UBXN8: variants seen among roughly 807,000 people sequenced by gnomAD.
UBXN8 encodes UBX domain-containing protein 8.
In UBXN8, 27 loss-of-function variants were observed where a neutral mutation model predicts 32.1. The ratio of observed to expected loss-of-function variants is 0.84; its 90% CI spans 0.62 to 1.16. UBXN8 has a LOEUF of 1.16. UBXN8 is among the 50% of genes most tolerant of loss of function. UBXN8 has a pLI of 0.00. For synonymous variants in UBXN8, 109 were observed against 111.8 expected (o/e 0.98, Z 0.16); for missense variants, 306 against 311.4 (o/e 0.98, Z 0.13).
At chr8:30,753,644 G>A (rs912468768) in intron 3 of UBXN8, among the ~76,000 whole-genome samples, 1 of 151,858 alleles carries the variant, frequency 6.6e-6, no homozygotes, top group Admixed American at 6.6e-5. Context: ...AAAGAAAACC[G>A]TATACTCTTT....
intron 1 of UBXN8, among the ~76,000 whole-genome samples, chr8:30,751,152 T>C (rs1406029378): frequency 1.3e-5 from 2 of 152,218 alleles, no homozygotes; most frequent in Admixed American, 6.5e-5. Flanking sequence ...GACAGTTGTA[T>C]AACTTCTACT....
chr8:30,744,135 GA>G (rs1805287473), upstream of UBXN8: 3 of 1,566,810 alleles, frequency 1.9e-6, no homozygotes, highest in South Asian at 2.3e-5. Context: ...TTCCTTCCCG[GA>G]AAACGCGGCC....
intron 1 of UBXN8, among the ~76,000 whole-genome samples, chr8:30,734,547 G>C (rs1563554052): frequency 6.6e-6 from 1 of 151,920 alleles, no homozygotes; most frequent in East Asian, 1.9e-4. Context: ...TTGAGCCCAG[G>C]AATTCAAGGT....
chr8:30,751,355 A>G (rs910065966), intron 1 of UBXN8, 41 bp from the exon 2 acceptor site: 2 of 1,527,374 alleles, frequency 1.3e-6, no homozygotes, highest in Non-Finnish European at 1.8e-6. Flanking sequence ...CTCTTAAAAA[A>G]AAAGTTTTGA....
upstream of UBXN8, among the ~76,000 whole-genome samples, chr8:30,731,071 T>C (rs1392581548): frequency 6.6e-6 from 1 of 152,250 alleles, no homozygotes; most frequent in Non-Finnish European, 1.5e-5. Context: ...GCTTGCAGCG[T>C]AATCAGTGTG....
intron 1 of UBXN8, among the ~76,000 whole-genome samples, chr8:30,736,972 G>A (rs1586085033): frequency 6.6e-6 from 1 of 151,986 alleles, no homozygotes. Flanking sequence ...TAAATGTGGT[G>A]TTTATCATTT....
Position 30,754,531 on chromosome 8 carries a change from G to A in UBXN8, c.283-134G>A. ...GCACGAGCCTCCCCACAACCAAGCAGCCAAACAGGGTGGCAGTGGCTCTGT... is the reference window on the plus strand; with the variant it reads ...GCACGAGCCTCCCCACAACCAAGCAACCAAACAGGGTGGCAGTGGCTCTGT... On this transcript the variant is annotated intron_variant, in intron 3 of 7. Coordinates refer to ENST00000265616, the MANE Select transcript of UBXN8 (RefSeq NM_005671.4). 16 of 1,262,552 alleles carry A rather than the reference G, an allele frequency of 1.3e-5. No homozygotes were observed. The South Asian group carries it at 1.5e-4, about 12-fold the overall frequency. The allele number at this position is 1,262,552 out of a possible 1,614,324, so 78.2% of individuals were successfully genotyped here.
Position 30,760,869 on chromosome 8 carries a change from T to C in UBXN8, c.529-19T>C. The stretch of plus-strand genomic sequence containing the variant: ...TTGTTGAACATGTTTACATTCCTCT[T>C]ACCAATACTTTTCTTTAGATTCCTG... On this transcript the variant is annotated intron_variant, in intron 5 of 7. Coordinates refer to ENST00000265616, the MANE Select transcript of UBXN8 (RefSeq NM_005671.4). 3 of 1,510,936 alleles carry C rather than the reference T, an allele frequency of 2.0e-6. No individual in the cohort carries two copies. Among genetic ancestry groups the C allele is most frequent in the Non-Finnish European group, 2.7e-6 (3 of 1,115,836 alleles). The allele number at this position is 1,510,936 out of a possible 1,614,324, so 93.6% of individuals were successfully genotyped here. A position where few individuals can be genotyped will look rare whatever the true frequency, so the allele number is the denominator to read the frequency against.
upstream of UBXN8, chr8:30,744,043 C>A (rs909989092): frequency 1.2e-5 from 8 of 690,692 alleles, no homozygotes; most frequent in Middle Eastern, 3.9e-4. Context: ...GGGCTTAGCT[C>A]CCCCTCAATA....
In UBXN8 at chr8:30,762,061, C is replaced by CTT. The variant is rs11393072; in HGVS notation, c.570+1148_570+1149dup. On this transcript the variant is annotated intron_variant, in intron 6 of 7. Coordinates refer to ENST00000265616, the MANE Select transcript of UBXN8 (RefSeq NM_005671.4). ...GGCAACAGTTATACTCCTTGGAAAC[C>CTT]TTTTTTTTTTTTTTTTTAAAGAGAC... Among the ~76,000 whole-genome samples, 1,288 of 135,406 alleles carry CTT rather than the reference C, an allele frequency of 9.5e-3. 9 individuals are homozygous for CTT. The highest frequency in any genetic ancestry group is 0.022 in the South Asian group (92 of 4,216). 88.8% of individuals were successfully genotyped at this position (135,406 alleles called of 152,430 possible).
upstream of UBXN8, among the ~76,000 whole-genome samples, chr8:30,742,500 C>T (rs1007434590): frequency 2.6e-5 from 4 of 152,146 alleles, no homozygotes; most frequent in Non-Finnish European, 5.9e-5. Context: ...ACAGGCTACG[C>T]CATCACGCGC....
upstream of UBXN8, among the ~76,000 whole-genome samples, chr8:30,741,160 C>A (rs1163131333): frequency 6.6e-6 from 1 of 152,064 alleles, no homozygotes; most frequent in Non-Finnish European, 1.5e-5. Flanking sequence ...CCGAGGCTGG[C>A]AGATTGCTCG....
chr8:30,741,497 C>CTCTATTG (rs1191490353), upstream of UBXN8, among the ~76,000 whole-genome samples: 2 of 129,052 alleles, frequency 1.5e-5, no homozygotes, highest in African/African-American at 6.7e-5. Context: ...CACTCTATTG[C>CTCTATTG]CCAGGCTGGA....
intron 6 of UBXN8, among the ~76,000 whole-genome samples, chr8:30,762,026 C>T (rs1805847428): frequency 6.8e-6 from 1 of 148,040 alleles, no homozygotes; most frequent in African/African-American, 2.5e-5. Flanking sequence ...GAACCTACTT[C>T]TTGGGGCTCG....
intron 7 of UBXN8, among the ~76,000 whole-genome samples, chr8:30,764,124 G>T (rs1380942471): frequency 6.6e-6 from 1 of 152,166 alleles, no homozygotes; most frequent in Non-Finnish European, 1.5e-5. Context: ...GTATATTTCC[G>T]TCTCTAAGTA....
At chr8:30,746,677 C>T (rs13264348) in intron 1 of UBXN8, among the ~76,000 whole-genome samples, 121,823 of 137,162 alleles carry the variant, frequency 0.89, 57,420 homozygotes, top group East Asian at 0.99. Flanking sequence ...CATGCACCAC[C>T]ATGCCCGACT....
chr8:30,743,864 G>A (rs1166215815), upstream of UBXN8, among the ~76,000 whole-genome samples: 1 of 152,218 alleles, frequency 6.6e-6, no homozygotes, highest in Non-Finnish European at 1.5e-5. Context: ...ATTTCCCTCT[G>A]GAAAGCGCTT....
rs980314872 is a variant in UBXN8 at position 30,763,490 on chromosome 8, C to T, written c.645+143C>T. ...ATAAAGGACATTTCCAGGTACTCCA[C>T]GTTGCAGAAATTTGGCTAACTAGGC... On this transcript the variant is annotated intron_variant, in intron 7 of 7. Transcript: ENST00000265616. 8 of 795,308 alleles carry T rather than the reference C, an allele frequency of 1.0e-5. No individual in the cohort carries two copies. In the Admixed American group the frequency reaches 1.1e-4, roughly 11 times the overall value. 49.3% of individuals were successfully genotyped at this position (795,308 alleles called of 1,614,324 possible). A position where few individuals can be genotyped will look rare whatever the true frequency, so the allele number is the denominator to read the frequency against.
At position 30,766,857 on chromosome 8, in the gene UBXN8, C is replaced by G. The variant is rs1273615746; in HGVS notation, c.*463C>G. ...CAAAGCTCTTGGAGGCTTTAAAGTT[C>G]TTTCTGTTGGGTGTGCATTACAGTT... On this transcript the variant is annotated 3_prime_UTR_variant, in exon 8 of 8. Coordinates refer to ENST00000265616, the MANE Select transcript of UBXN8 (RefSeq NM_005671.4). 1 of 152,214 alleles carries G rather than the reference C, an allele frequency of 6.6e-6. No homozygotes were observed. Among genetic ancestry groups the G allele is most frequent in the Admixed American group, 6.5e-5 (1 of 15,276 alleles). The allele number at this position is 152,214 out of a possible 1,614,324, so 9.4% of individuals were successfully genotyped here.
Sources: gnomAD v4.1 joint callset for allele counts (sites outside exome capture counted in the v4.1 genomes callset) on GRCh38, gnomAD v4.1.1 for gene constraint, MANE v1.5 for transcripts, NCBI Gene and HGNC (gene_info 2026-07-23, HGNC 2026-07-21) for gene names.